ATL2: variants seen among roughly 807,000 people sequenced by gnomAD.
ATL2 encodes atlastin-2.
In ATL2, 31 loss-of-function variants were observed where a neutral mutation model predicts 73.9. That is an observed-to-expected ratio of 0.42 (90% CI 0.32 to 0.57). The LOEUF (loss-of-function observed/expected upper bound fraction) is 0.57. Ranked by LOEUF, ATL2 falls within the 20% of genes least tolerant of loss-of-function variation. The probability of loss-of-function intolerance (pLI) is 0.14; values close to 1 mark genes in which losing one functional copy is unlikely to be tolerated. For synonymous variants in ATL2, 291 were observed against 237.5 expected (o/e 1.23, Z -2.07); for missense variants, 738 against 702.6 (o/e 1.05, Z -0.57).
At chr2:38,299,191 A>ATTT in intron 11 of ATL2, 65 bp downstream of exon 11, 3 of 995,330 alleles carry the variant, frequency 3.0e-6, no homozygotes, top group Non-Finnish European at 4.0e-6. Flanking sequence ...AATTTTTTTA[A>ATTT]TTTTTTTTTT....
At position 38,329,423 on chromosome 2, in the gene ATL2, CAAAAAAAAAA is replaced by C. The variant is rs70954711; in HGVS notation, c.364-10414_364-10405del. ...AGGAGACAGAGCAAGACTCCATCTC[CAAAAAAAAAA>C]AAAAAAAAAAAAAAAAAAGATCAAT... On this transcript the variant is annotated intron_variant, in intron 2 of 12. Coordinates refer to ENST00000378954, the MANE Select transcript of ATL2 (RefSeq NM_001135673.4). Among the ~76,000 whole-genome samples, 14 of 13,670 alleles carry C rather than the reference CAAAAAAAAAA, an allele frequency of 1.0e-3. 1 individual carries two copies. The East Asian group carries it at 0.013, about 13-fold the overall frequency. The allele number at this position is 13,670 out of a possible 152,430, so 9.0% of individuals were successfully genotyped here.
chr2:38,300,490 T>C (rs1015361856), intron 9 of ATL2, 162 bp from the exon 10 acceptor site: 2 of 517,976 alleles, frequency 3.9e-6, no homozygotes, highest in Non-Finnish European at 6.9e-6. Context: ...CTATTCTCAA[T>C]ATTATTAAAT....
intron 8 of ATL2, 64 bp from the exon 9 acceptor site, chr2:38,309,570 T>C: frequency 6.8e-7 from 1 of 1,481,216 alleles, no homozygotes; most frequent in South Asian, 1.2e-5. Context: ...CTGGTACGAT[T>C]TCATAAAATT....
chr2:38,365,748 G>C (rs555308677), intron 1 of ATL2, among the ~76,000 whole-genome samples: 9 of 152,032 alleles, frequency 5.9e-5, no homozygotes, highest in Non-Finnish European at 1.3e-4. Context: ...GTAGTGAGCA[G>C]AGATCATTCC....
Position 38,343,196 on chromosome 2 carries a change from T to C in ATL2, c.363+72A>G. The C allele has an allele frequency of 2.7e-6, 3 of 1,100,872 alleles. No individual in the cohort carries two copies. In the South Asian group the frequency reaches 4.8e-5, roughly 18 times the overall value. 68.2% of individuals were successfully genotyped at this position (1,100,872 alleles called of 1,614,324 possible). A position where few individuals can be genotyped will look rare whatever the true frequency, so the allele number is the denominator to read the frequency against. On this transcript the variant is annotated intron_variant, in intron 2 of 12. Transcript: ENST00000378954. ...AAAAAAAAGATATAGTTCTGGTTTT[T>C]GTCTATTTTTTTAACAGGCATGGTT...
chr2:38,301,084 C>A (rs1219453304), intron 9 of ATL2, among the ~76,000 whole-genome samples: 2 of 152,026 alleles, frequency 1.3e-5, no homozygotes, highest in African/African-American at 2.4e-5. Context: ...AACTGTCCTG[C>A]CTCAGCCTCC....
At chr2:38,334,877 A>AAATATAT (rs1669226328) in intron 2 of ATL2, among the ~76,000 whole-genome samples, 1 of 35,400 alleles carries the variant, frequency 2.8e-5, no homozygotes, top group Non-Finnish European at 9.5e-5. Context: ...TATAATATAT[A>AAATATAT]TTATATAATA....
intron 1 of ATL2, among the ~76,000 whole-genome samples, chr2:38,372,484 C>G (rs1017722458): frequency 2.0e-5 from 3 of 152,120 alleles, no homozygotes; most frequent in Admixed American, 6.6e-5. Flanking sequence ...GAGGGAGGTT[C>G]TGGAACTAAT....
At chr2:38,301,563 T>C (rs1229304357) in intron 9 of ATL2, among the ~76,000 whole-genome samples, 1 of 152,094 alleles carries the variant, frequency 6.6e-6, no homozygotes, top group Admixed American at 6.5e-5. Flanking sequence ...AGAGACAATC[T>C]ATGTGCTTAG....
chr2:38,377,363 T>C (rs1672051658), upstream of ATL2: 8 of 959,118 alleles, frequency 8.3e-6, no homozygotes, highest in Middle Eastern at 3.4e-4. Flanking sequence ...CTAGCGCCGC[T>C]CTCCGCCTGT....
intron 1 of ATL2, among the ~76,000 whole-genome samples, chr2:38,369,341 T>A (rs1240230344): frequency 6.6e-6 from 1 of 152,030 alleles, no homozygotes; most frequent in African/African-American, 2.4e-5. Flanking sequence ...TCCCAGCTAC[T>A]TGGGAGGCAG....
chr2:38,323,352 T>G (rs796380848), intron 2 of ATL2, among the ~76,000 whole-genome samples: 1 of 106,464 alleles, frequency 9.4e-6, no homozygotes, highest in Non-Finnish European at 1.7e-5. Context: ...ACCAGAAGTT[T>G]TTTTTTTTTT....
intron 1 of ATL2, chr2:38,358,557 T>C (rs1047881487): frequency 3.0e-6 from 1 of 333,122 alleles, no homozygotes; most frequent in Non-Finnish European, 6.2e-6. Flanking sequence ...CCGGACACGG[T>C]GGCAGGCGCC....
chr2:38,335,576 T>C (rs1448628927), intron 2 of ATL2, among the ~76,000 whole-genome samples: 4 of 152,134 alleles, frequency 2.6e-5, no homozygotes, highest in African/African-American at 9.7e-5. Context: ...AAGGTGGCCC[T>C]TGAGAGCCGG....
chr2:38,365,841 G>A (rs988607792), intron 1 of ATL2, among the ~76,000 whole-genome samples: 1 of 151,978 alleles, frequency 6.6e-6, no homozygotes, highest in Non-Finnish European at 1.5e-5. Flanking sequence ...CAGTTACTCG[G>A]GAGGCTGAGG....
chr2:38,327,602 T>A (rs1044639573), intron 2 of ATL2, among the ~76,000 whole-genome samples: 5 of 144,678 alleles, frequency 3.5e-5, no homozygotes, highest in Non-Finnish European at 7.5e-5. Context: ...TCCAATTATA[T>A]CAACAATCAC....
At chr2:38,364,251 G>C (rs1671175826) in intron 1 of ATL2, among the ~76,000 whole-genome samples, 1 of 151,954 alleles carries the variant, frequency 6.6e-6, no homozygotes, top group Non-Finnish European at 1.5e-5. Flanking sequence ...AACAGAGTGA[G>C]ACTCCATCTC....
At chr2:38,350,220 C>T (rs2175099) in intron 1 of ATL2, among the ~76,000 whole-genome samples, 15,975 of 152,088 alleles carry the variant, frequency 0.11, 2,778 homozygotes, top group African/African-American at 0.36. Flanking sequence ...ATTTCAGCCC[C>T]CCAACACATT....
chr2:38,296,334 G>A, intron 12 of ATL2: 1 of 1,451,334 alleles, frequency 6.9e-7, no homozygotes, highest in Non-Finnish European at 9.0e-7. Context: ...CAATTCCTAT[G>A]AGATGGATGT....
Sources: gnomAD v4.1 joint callset for allele counts (sites outside exome capture counted in the v4.1 genomes callset) on GRCh38, gnomAD v4.1.1 for gene constraint, MANE v1.5 for transcripts, NCBI Gene and HGNC (gene_info 2026-07-23, HGNC 2026-07-21) for gene names.